Variants in MACROD2 observed in about 807,000 individuals in gnomAD.
The protein encoded by MACROD2 is mono-ADP ribosylhydrolase 2, also known as ADP-ribose glycohydrolase MACROD2.
In MACROD2, 36 loss-of-function variants were observed where a neutral mutation model predicts 70.4. That is an observed-to-expected ratio of 0.51 (90% CI 0.39 to 0.68). MACROD2 has a LOEUF of 0.68. MACROD2 is among the 30% of genes least tolerant of loss of function. MACROD2 has a pLI of 0.00. For missense variants in MACROD2, 496 were observed against 538.4 expected (o/e 0.92, Z 0.78); for synonymous variants, 172 against 178.8 (o/e 0.96, Z 0.30).
At chr20:14,879,613 T>C (rs1268033652) in intron 5 of MACROD2, among the ~76,000 whole-genome samples, 1 of 152,220 alleles carries the variant, frequency 6.6e-6, no homozygotes, top group Admixed American at 6.5e-5. Context: ...AGTCCTTTCA[T>C]AGAGAAATGA....
chr20:15,046,959 G>T (rs2075399423), intron 5 of MACROD2, among the ~76,000 whole-genome samples: 2 of 152,140 alleles, frequency 1.3e-5, no homozygotes, highest in Non-Finnish European at 2.9e-5. Context: ...ATTAACAGCT[G>T]CTGTGACTTT....
intron 11 of MACROD2, among the ~76,000 whole-genome samples, chr20:15,935,145 G>A (rs2065639838): frequency 6.6e-6 from 1 of 152,152 alleles, no homozygotes; most frequent in Admixed American, 6.6e-5. Flanking sequence ...TTAACCAGTT[G>A]AGAACAAGTA....
chr20:14,072,081 AT>A (rs895554691), intron 2 of MACROD2, among the ~76,000 whole-genome samples: 2 of 152,232 alleles, frequency 1.3e-5, no homozygotes, highest in African/African-American at 4.8e-5. Context: ...TGCAAATTTG[AT>A]TTTATGTTAT....
chr20:14,524,910 T>A (rs1600340006), intron 4 of MACROD2, among the ~76,000 whole-genome samples: 1 of 152,266 alleles, frequency 6.6e-6, no homozygotes, highest in South Asian at 2.1e-4. Context: ...CAAGAACTCG[T>A]TCACCACACT....
chr20:14,500,404 C>G (rs2084903750), intron 4 of MACROD2, among the ~76,000 whole-genome samples: 3 of 152,224 alleles, frequency 2.0e-5, no homozygotes, highest in South Asian at 2.1e-4. Flanking sequence ...GTCTAGGGAC[C>G]ATCTCTACAG....
At chr20:15,386,403 A>G (rs772262101) in intron 6 of MACROD2, among the ~76,000 whole-genome samples, 32 of 152,216 alleles carry the variant, frequency 2.1e-4, no homozygotes, top group Non-Finnish European at 4.6e-4. Context: ...CACTTTAAAG[A>G]TAAAGAAAGT....
intron 3 of MACROD2, among the ~76,000 whole-genome samples, chr20:14,267,003 A>G (rs1408450299): frequency 6.6e-6 from 1 of 152,182 alleles, no homozygotes; most frequent in East Asian, 1.9e-4. Context: ...TTATTTGCCA[A>G]GTGATGACTT....
intron 4 of MACROD2, among the ~76,000 whole-genome samples, chr20:14,604,562 A>G (rs1301723357): frequency 6.6e-6 from 1 of 152,196 alleles, no homozygotes; most frequent in Non-Finnish European, 1.5e-5. Flanking sequence ...GGCTGGAATC[A>G]TCTCTCATCC....
intron 6 of MACROD2, among the ~76,000 whole-genome samples, chr20:15,270,374 T>G (rs1284842195): frequency 6.6e-6 from 1 of 152,156 alleles, no homozygotes. Flanking sequence ...CGTCTCATAT[T>G]CTATGAAGCC....
chr20:14,296,462 G>A (rs1455552110), intron 3 of MACROD2, among the ~76,000 whole-genome samples: 1 of 151,922 alleles, frequency 6.6e-6, no homozygotes, highest in East Asian at 1.9e-4. Flanking sequence ...ACAGTACACA[G>A]CAGTGAAAAT....
At chr20:14,521,171 T>C (rs1484192224) in intron 4 of MACROD2, among the ~76,000 whole-genome samples, 1 of 152,250 alleles carries the variant, frequency 6.6e-6, no homozygotes, top group African/African-American at 2.4e-5. Context: ...CTTTCTAAAA[T>C]GTGCCCTTCC....
intron 5 of MACROD2, among the ~76,000 whole-genome samples, chr20:15,144,288 G>A (rs981793717): frequency 1.3e-5 from 2 of 152,086 alleles, no homozygotes; most frequent in Admixed American, 6.5e-5. Context: ...CAAGTGGTTG[G>A]TGATCAAAAC....
intron 4 of MACROD2, among the ~76,000 whole-genome samples, chr20:14,682,469 A>G (rs2070944814): frequency 6.6e-6 from 1 of 151,414 alleles, no homozygotes; most frequent in South Asian, 2.1e-4. Flanking sequence ...TTACATATAT[A>G]TATCCATATA....
chr20:14,595,722 A>G (rs900647387), intron 4 of MACROD2, among the ~76,000 whole-genome samples: 2 of 152,190 alleles, frequency 1.3e-5, no homozygotes, highest in African/African-American at 2.4e-5. Flanking sequence ...GAAGGTTCTT[A>G]CTACACATTG....
chr20:14,254,845 C>G (rs1443831271), intron 3 of MACROD2, among the ~76,000 whole-genome samples: 2 of 152,082 alleles, frequency 1.3e-5, no homozygotes, highest in Non-Finnish European at 2.9e-5. Context: ...CCTCGATGGT[C>G]TTTACAATTT....
At chr20:15,538,061 C>G (rs887851292) in intron 8 of MACROD2, among the ~76,000 whole-genome samples, 1 of 152,008 alleles carries the variant, frequency 6.6e-6, no homozygotes, top group African/African-American at 2.4e-5. Context: ...GAAAAATAAC[C>G]CTTGTAAGTT....
chr20:15,499,571 T>G (rs548977768), intron 7 of MACROD2, among the ~76,000 whole-genome samples: 4 of 152,354 alleles, frequency 2.6e-5, no homozygotes, highest in African/African-American at 9.6e-5. Context: ...TTTTTTAAAC[T>G]CTGTACTGGT....
At chr20:15,577,614 TGC>T (rs2048466802) in intron 8 of MACROD2, among the ~76,000 whole-genome samples, 1 of 128,112 alleles carries the variant, frequency 7.8e-6, no homozygotes, top group Non-Finnish European at 1.6e-5. Context: ...TTCTTCTCCG[TGC>T]GTGCGTACTC....
intron 5 of MACROD2, among the ~76,000 whole-genome samples, chr20:14,834,959 C>CTA (rs1463689534): frequency 1.3e-5 from 2 of 151,778 alleles, no homozygotes; most frequent in Non-Finnish European, 2.9e-5. Context: ...TATAGACTCT[C>CTA]TATATATACA....
Sources: gnomAD v4.1 joint callset for allele counts (sites outside exome capture counted in the v4.1 genomes callset) on GRCh38, gnomAD v4.1.1 for gene constraint, MANE v1.5 for transcripts, NCBI Gene and HGNC (gene_info 2026-07-23, HGNC 2026-07-21) for gene names.